SERPINE2: variants seen among roughly 807,000 people sequenced by gnomAD.
SERPINE2 encodes the protein glia-derived nexin.
SERPINE2 carries 14 observed loss-of-function variants against 36.3 expected under a neutral mutation model. That is an observed-to-expected ratio of 0.39 (90% CI 0.25 to 0.60). The LOEUF is 0.60. SERPINE2 is among the 20% of genes least tolerant of loss of function. The pLI is 0.57. For missense variants in SERPINE2, 418 were observed against 499.6 expected (o/e 0.84, Z 1.56); for synonymous variants, 192 against 191.8 (o/e 1.00, Z -0.01).
chr2:224,006,328 C>T (rs1290332680), intron 1 of SERPINE2, among the ~76,000 whole-genome samples: 2 of 152,176 alleles, frequency 1.3e-5, no homozygotes, highest in African/African-American at 4.8e-5. Context: ...CAAAAATCTA[C>T]CAACTCTTCT....
chr2:223,998,484 G>A, intron 2 of SERPINE2, 142 bp from the exon 3 acceptor site: 10 of 631,254 alleles, frequency 1.6e-5, no homozygotes, highest in South Asian at 4.0e-5. Context: ...TTGAGAGGCT[G>A]AGGTGGGTGG....
At chr2:223,975,970 G>T in intron 8 of SERPINE2, 66 bp from the exon 9 acceptor site, 2 of 1,432,940 alleles carry the variant, frequency 1.4e-6, no homozygotes, top group Non-Finnish European at 1.9e-6. Flanking sequence ...AAGATGGAAG[G>T]TATTCTATTT....
chr2:223,976,266 T>G (rs1690004433), intron 8 of SERPINE2, among the ~76,000 whole-genome samples: 1 of 152,236 alleles, frequency 6.6e-6, no homozygotes, highest in African/African-American at 2.4e-5. Flanking sequence ...TTCTCCTGCC[T>G]CAGCCTCCCA....
chr2:223,975,562 G>A lies in SERPINE2; in HGVS notation c.*305C>T. ...AAAACAAAACAAAAATTCCTGAACT[G>A]GACAAACAGCAAATACTCAACAGGG... On this transcript the variant is annotated 3_prime_UTR_variant, in exon 9 of 9. Coordinates refer to ENST00000409304, the MANE Select transcript of SERPINE2 (RefSeq NM_001136528.2). 3.6e-6 allele frequency: 1 copy of A among 276,834 alleles called. No homozygotes were observed. Among genetic ancestry groups the A allele is most frequent in the Non-Finnish European group, 6.6e-6 (1 of 150,436 alleles). The allele number at this position is 276,834 out of a possible 1,614,324, so 17.1% of individuals were successfully genotyped here. A position where few individuals can be genotyped will look rare whatever the true frequency, so the allele number is the denominator to read the frequency against.
rs1317492898 is a variant in SERPINE2 at position 224,001,672 on chromosome 2, G to C, written c.229C>G (p.Leu77Val). Residue 77 changes from leucine to valine, a missense_variant, in exon 2 of 9, where the codon CTC becomes GTC. Leu to Val is a conservative substitution (Grantham distance 32). Transcript: ENST00000409304. ...ACGCCGTATCTCATCACCATGGCGA[G>C]CTGCTTCTTGGTCCTGCCGTCCGCC... ...LGADGRTKKQLAMVMRYGVNG... is the reference protein window; with the variant it reads ...LGADGRTKKQVAMVMRYGVNG... The C allele has an allele frequency of 3.7e-6, 6 of 1,613,976 alleles. No individual in the cohort carries two copies. Among genetic ancestry groups the C allele is most frequent in the Non-Finnish European group, 5.1e-6 (6 of 1,180,038 alleles).
At position 224,031,175 on chromosome 2, in the gene SERPINE2, G is replaced by A. The variant is rs1287569615; in HGVS notation, c.-23+7924C>T. ...TCACGGTTCACACATCTACAGACCC[G>A]GGTCCAGGCTCTGGCACTGACACAT... On this transcript the variant is annotated intron_variant, in intron 1 of 8. Coordinates refer to ENST00000409304, the MANE Select transcript of SERPINE2 (RefSeq NM_001136528.2). 4.1e-6 allele frequency: 4 copies of A among 985,230 alleles called. No homozygotes were observed. In the South Asian group the frequency reaches 1.9e-4, roughly 46 times the overall value. 61.0% of individuals were successfully genotyped at this position (985,230 alleles called of 1,614,324 possible).
intron 1 of SERPINE2, chr2:224,031,062 AAGG>A (rs1243394208): frequency 5.1e-6 from 5 of 975,774 alleles, no homozygotes; most frequent in South Asian, 4.7e-5. Context: ...GTAGTCTTGA[AAGG>A]AGGAGTGTGC....
intron 3 of SERPINE2, among the ~76,000 whole-genome samples, chr2:223,993,620 A>G (rs185057241): frequency 6.6e-6 from 1 of 152,250 alleles, no homozygotes; most frequent in Admixed American, 6.5e-5. Flanking sequence ...AAATGGTGAG[A>G]GTAAAACCAA....
chr2:224,004,779 A>G (rs1389907328), intron 1 of SERPINE2, among the ~76,000 whole-genome samples: 1 of 151,702 alleles, frequency 6.6e-6, no homozygotes, highest in African/African-American at 2.4e-5. Context: ...GCAGTGACCA[A>G]CTTCATCCAT....
chr2:224,001,161 G>A (rs553627797), intron 2 of SERPINE2, among the ~76,000 whole-genome samples: 1 of 152,144 alleles, frequency 6.6e-6, no homozygotes, highest in Non-Finnish European at 1.5e-5. Context: ...TGGGGAGGGG[G>A]GTCTGTGCAA....
intron 1 of SERPINE2, among the ~76,000 whole-genome samples, chr2:224,016,884 G>C (rs1215613106): frequency 6.6e-6 from 1 of 152,218 alleles, no homozygotes; most frequent in African/African-American, 2.4e-5. Context: ...AAGATGCATA[G>C]TGTGTAATTC....
At chr2:224,032,032 T>C (rs1024018469) in intron 1 of SERPINE2, among the ~76,000 whole-genome samples, 3 of 152,234 alleles carry the variant, frequency 2.0e-5, no homozygotes, top group Non-Finnish European at 1.5e-5. Flanking sequence ...TTCCGAGTTA[T>C]TTTGATTTGG....
intron 1 of SERPINE2, among the ~76,000 whole-genome samples, chr2:224,038,206 G>T (rs985924725): frequency 3.3e-5 from 5 of 152,050 alleles, no homozygotes; most frequent in Admixed American, 1.3e-4. Context: ...CTTGAAAGAG[G>T]AAGTCACACC....
At chr2:224,027,918 G>A (rs1692237556) in intron 1 of SERPINE2, among the ~76,000 whole-genome samples, 1 of 152,136 alleles carries the variant, frequency 6.6e-6, no homozygotes, top group Non-Finnish European at 1.5e-5. Context: ...TCCTGTGTGG[G>A]GTGTATACAT....
At chr2:224,013,027 T>C (rs7566799) in intron 1 of SERPINE2, among the ~76,000 whole-genome samples, 152,348 of 152,360 alleles carry the variant, frequency 1, 76,168 homozygotes, top group Non-Finnish European at 1. Context: ...AATGGTGGTG[T>C]TATTTTGGTG....
In SERPINE2 at chr2:223,982,488, A is replaced by C. The variant is rs551228159; in HGVS notation, c.985+193T>G. 53 of 482,804 alleles carry C rather than the reference A, an allele frequency of 1.1e-4. No homozygotes were observed. The East Asian group carries it at 1.7e-3, about 15-fold the overall frequency. The allele number at this position is 482,804 out of a possible 1,614,324, so 29.9% of individuals were successfully genotyped here. ...CAAAAACTATTGAAATAAAAAGATA[A>C]AAGGAAAAAATAAATAAATGAAGGT... On this transcript the variant is annotated intron_variant, in intron 6 of 8. Coordinates refer to ENST00000409304, the MANE Select transcript of SERPINE2 (RefSeq NM_001136528.2).
chr2:224,035,504 T>C (rs1026571573), intron 1 of SERPINE2, among the ~76,000 whole-genome samples: 1 of 152,144 alleles, frequency 6.6e-6, no homozygotes, highest in African/African-American at 2.4e-5. Context: ...TGCCTCAGCC[T>C]CCCGAGTAGC....
At chr2:224,027,185 GC>G (rs1033696883) in intron 1 of SERPINE2, among the ~76,000 whole-genome samples, 2 of 152,116 alleles carry the variant, frequency 1.3e-5, no homozygotes, top group African/African-American at 2.4e-5. Flanking sequence ...GCACTACTGA[GC>G]CCCCCTGCTG....
chr2:223,977,407 T>C, intron 8 of SERPINE2, 137 bp downstream of exon 8: 1 of 657,446 alleles, frequency 1.5e-6, no homozygotes, highest in Non-Finnish European at 2.8e-6. Context: ...CATGGGTGGT[T>C]ATATTATTCA....
Sources: gnomAD v4.1 joint callset for allele counts (sites outside exome capture counted in the v4.1 genomes callset) on GRCh38, gnomAD v4.1.1 for gene constraint, MANE v1.5 for transcripts, NCBI Gene and HGNC (gene_info 2026-07-23, HGNC 2026-07-21) for gene names.